ADAM12: variants seen among roughly 807,000 people sequenced by gnomAD.
The protein encoded by ADAM12 is disintegrin and metalloproteinase domain-containing protein 12.
In ADAM12, 70 loss-of-function variants were observed where a neutral mutation model predicts 106.4. That is an observed-to-expected ratio of 0.66 (90% CI 0.54 to 0.80). ADAM12 has a LOEUF of 0.80. Among genes scored for constraint, ADAM12 ranks in the 30% least tolerant of loss-of-function variants. ADAM12 has a pLI of 0.00. For synonymous variants in ADAM12, 420 were observed against 433.5 expected (o/e 0.97, Z 0.39); for missense variants, 1,010 against 1,171.9 (o/e 0.86, Z 2.02).
rs1158963016 is a variant in ADAM12 at position 126,066,099 on chromosome 10, T to C, written c.1413+618A>G. ...TTAAAATGAAATAAAACTCTACCCTTGGAACTGTTGAATCAAAAGCTCAGG... is the reference window on the plus strand; with the variant it reads ...TTAAAATGAAATAAAACTCTACCCTCGGAACTGTTGAATCAAAAGCTCAGG... On this transcript the variant is annotated intron_variant, in intron 13 of 22. Coordinates refer to ENST00000448723, the MANE Select transcript of ADAM12 (RefSeq NM_001288973.2). The surrounding 1 kb of genome is among the most constrained non-coding windows in gnomAD (Gnocchi z 5.1). Among the ~76,000 whole-genome samples the C allele has an allele frequency of 1.3e-5, 2 of 152,192 alleles. No homozygotes were observed. Among genetic ancestry groups the C allele is most frequent in the East Asian group, 3.9e-4 (2 of 5,190 alleles).
chr10:126,055,796 TCTC>T (rs1590346235), intron 14 of ADAM12, among the ~76,000 whole-genome samples: 1 of 152,210 alleles, frequency 6.6e-6, no homozygotes, highest in African/African-American at 2.4e-5. Context: ...TTCCAAAAAA[TCTC>T]CTGACAGGTG....
intron 1 of ADAM12, among the ~76,000 whole-genome samples, chr10:126,335,978 A>G (rs1217509230): frequency 1.3e-5 from 2 of 152,228 alleles, no homozygotes; most frequent in Non-Finnish European, 2.9e-5. Flanking sequence ...ATAAAAAACA[A>G]GGACAGTCTG....
intron 16 of ADAM12, among the ~76,000 whole-genome samples, chr10:126,046,801 CAAAAAA>C (rs60056450): frequency 3.3e-3 from 167 of 49,888 alleles, no homozygotes; most frequent in Non-Finnish European, 5.2e-3. Flanking sequence ...GATTCCGTCT[CAAAAAA>C]AAAAAAAAAA....
chr10:126,030,512 T>TATTA (rs1463022002), intron 21 of ADAM12, among the ~76,000 whole-genome samples: 1 of 152,238 alleles, frequency 6.6e-6, no homozygotes, highest in East Asian at 1.9e-4. Flanking sequence ...CTATATTACC[T>TATTA]ATTAGCAAAT....
chr10:126,301,414 G>A (rs1960618912), intron 2 of ADAM12, among the ~76,000 whole-genome samples: 1 of 152,214 alleles, frequency 6.6e-6, no homozygotes, highest in Non-Finnish European at 1.5e-5. Flanking sequence ...ATGTCAGGGT[G>A]AGCATAGTTT....
intron 16 of ADAM12, 99 bp from the exon 17 acceptor site, chr10:126,046,231 G>A (rs1335573602): frequency 9.1e-7 from 1 of 1,098,482 alleles, no homozygotes; most frequent in Non-Finnish European, 1.4e-6. Flanking sequence ...GCAAAAGAAA[G>A]CTTGGAGAAG....
intron 4 of ADAM12, among the ~76,000 whole-genome samples, chr10:126,141,734 G>C (rs867984763): frequency 8.9e-4 from 134 of 150,782 alleles, no homozygotes; most frequent in African/African-American, 3.2e-3. Context: ...TGGTAACAAA[G>C]ATGGCTTGAC....
At chr10:126,118,723 G>A (rs111996633) in intron 5 of ADAM12, among the ~76,000 whole-genome samples, 191 of 152,248 alleles carry the variant, frequency 1.3e-3, no homozygotes, top group African/African-American at 4.1e-3. Flanking sequence ...AGTAGTGTAC[G>A]TTGTACCCCA....
intron 8 of ADAM12, among the ~76,000 whole-genome samples, chr10:126,106,603 A>G (rs1217908092): frequency 1.3e-5 from 2 of 149,338 alleles, no homozygotes; most frequent in Non-Finnish European, 3.0e-5. Context: ...CTCCTGCCTC[A>G]GCCTCCCGAG....
Position 126,066,708 on chromosome 10 carries a change from G to T in ADAM12, c.1413+9C>A. 1 of 1,613,924 alleles carries T rather than the reference G, an allele frequency of 6.2e-7. No individual in the cohort carries two copies. Among genetic ancestry groups the T allele is most frequent in the Non-Finnish European group, 8.5e-7 (1 of 1,179,818 alleles). The stretch of plus-strand genomic sequence containing the variant: ...ACCTGGGGGTCAAGTTGTAGCTCCG[G>T]TGACTCACCTGGCAGTCTTCACAGC... On this transcript the variant is annotated intron_variant, in intron 13 of 22. Coordinates refer to ENST00000448723, the MANE Select transcript of ADAM12 (RefSeq NM_001288973.2). This position sits in a 1 kb window ranked among gnomAD's most constrained non-coding sequence, Gnocchi z 5.1.
At chr10:126,168,933 A>T (rs147735257) in intron 3 of ADAM12, among the ~76,000 whole-genome samples, 4,416 of 152,106 alleles carry the variant, frequency 0.029, 234 homozygotes, top group African/African-American at 0.099. Flanking sequence ...CGTGCCTGTA[A>T]TCCCAGCTAC....
chr10:126,260,436 G>C (rs1224279402), intron 3 of ADAM12, among the ~76,000 whole-genome samples: 1 of 152,240 alleles, frequency 6.6e-6, no homozygotes, highest in Non-Finnish European at 1.5e-5. Context: ...CTGAGGACAA[G>C]AGATTGGAGG....
chr10:126,049,185 C>A lies in ADAM12; in HGVS notation c.1917+68G>T. ...AACCAACAAACCTTGTAACCCAGTT[C>A]TTGCTGTTTTTCAATGGGCCCTGTT... On this transcript the variant is annotated intron_variant, in intron 16 of 22. Transcript: ENST00000448723. The surrounding 1 kb of genome is among the most constrained non-coding windows in gnomAD (Gnocchi z 4.4). 1 of 1,586,356 alleles carries A rather than the reference C, an allele frequency of 6.3e-7. No homozygotes were observed. Among genetic ancestry groups the A allele is most frequent in the Admixed American group, 1.7e-5 (1 of 59,818 alleles).
chr10:126,095,260 C>T (rs533165389), intron 10 of ADAM12, among the ~76,000 whole-genome samples: 10 of 152,084 alleles, frequency 6.6e-5, no homozygotes, highest in Non-Finnish European at 1.2e-4. Context: ...TCAGGCCAGG[C>T]GCAGTGGCTC....
In ADAM12 at chr10:126,049,152, T is replaced by A; in HGVS notation, c.1917+101A>T. ...CTAGGTGCATCTGAGAAGAAGTAGA[T>A]TTAGGAAAACCAACAAACCTTGTAA... On this transcript the variant is annotated intron_variant, in intron 16 of 22. Transcript: ENST00000448723. This position sits in a 1 kb window ranked among gnomAD's most constrained non-coding sequence, Gnocchi z 4.4. The A allele has an allele frequency of 1.4e-6, 2 of 1,472,260 alleles. No homozygotes were observed. Among genetic ancestry groups the A allele is most frequent in the South Asian group, 1.2e-5 (1 of 85,238 alleles). The allele number at this position is 1,472,260 out of a possible 1,614,324, so 91.2% of individuals were successfully genotyped here.
intron 21 of ADAM12, among the ~76,000 whole-genome samples, chr10:126,022,148 A>G (rs1475871903): frequency 6.6e-6 from 1 of 152,204 alleles, no homozygotes; most frequent in African/African-American, 2.4e-5. Context: ...AACATAGGAG[A>G]TAGTTAGGTT....
At chr10:126,126,935 T>A (rs540553781) in intron 5 of ADAM12, among the ~76,000 whole-genome samples, 1 of 152,164 alleles carries the variant, frequency 6.6e-6, no homozygotes, top group African/African-American at 2.4e-5. Flanking sequence ...GATTGAGACA[T>A]CCTGAGTTTT....
intron 5 of ADAM12, among the ~76,000 whole-genome samples, chr10:126,118,904 C>T (rs2133623679): frequency 6.6e-6 from 1 of 152,268 alleles, no homozygotes; most frequent in South Asian, 2.1e-4. Context: ...ACAATAATGG[C>T]CCTAGTTCCA....
intron 4 of ADAM12, chr10:126,145,672 A>C (rs944119107): frequency 6.6e-6 from 1 of 152,222 alleles, no homozygotes; most frequent in African/African-American, 2.4e-5. Flanking sequence ...TCAATGTCTC[A>C]GTATTCTCAT....
Sources: gnomAD v4.1 joint callset for allele counts (sites outside exome capture counted in the v4.1 genomes callset) on GRCh38, gnomAD v4.1.1 for gene constraint, Gnocchi (gnomAD v3.1) non-coding constraint, MANE v1.5 for transcripts, NCBI Gene and HGNC (gene_info 2026-07-23, HGNC 2026-07-21) for gene names.